The following SAMD12 variants were observed in gnomAD, a reference collection of about 807,000 sequenced individuals.
SAMD12 encodes the protein sterile alpha motif domain containing 12, also known as sterile alpha motif domain-containing protein 12.
In SAMD12, 9 loss-of-function variants were observed where a neutral mutation model predicts 15.0. That is an observed-to-expected ratio of 0.60 (90% CI 0.36 to 1.05). The LOEUF (loss-of-function observed/expected upper bound fraction) is 1.05, where lower values mean the gene tolerates loss of function less well. Among genes scored for constraint, SAMD12 ranks in the 50% least tolerant of loss-of-function variants. The pLI is 0.01. For missense variants in SAMD12, 230 were observed against 234.2 expected, an observed-to-expected ratio of 0.98 and a Z score of 0.12; for synonymous variants, 86 against 90.1, an observed-to-expected ratio of 0.96 and a Z score of 0.25.
At chr8:118,169,149 C>T in the SAMD12 span, among the ~76,000 whole-genome samples, 1 of 152,130 alleles carries the variant, frequency 6.6e-6, no homozygotes, top group South Asian at 2.1e-4. Flanking sequence ...ACCACAGCAT[C>T]ATGCAATATA....
chr8:118,173,207 T>C, the SAMD12 span, among the ~76,000 whole-genome samples: 3 of 152,356 alleles, frequency 2.0e-5, no homozygotes, highest in East Asian at 5.8e-4. Context: ...TTTCTTTTTA[T>C]TTCTTTGCCT....
intron 2 of SAMD12, among the ~76,000 whole-genome samples, chr8:118,491,600 C>T (rs915202333): frequency 2.0e-5 from 3 of 152,094 alleles, no homozygotes; most frequent in Admixed American, 2.0e-4. Flanking sequence ...CTTATTTCTT[C>T]TAATCAATCC....
chr8:118,213,194 C>T (rs561502968), intron 4 of SAMD12, among the ~76,000 whole-genome samples: 14 of 152,312 alleles, frequency 9.2e-5, no homozygotes, highest in African/African-American at 3.1e-4. Flanking sequence ...CTCCCTACCT[C>T]TCATTGAGAG....
At chr8:118,437,730 T>A (rs79886057) in intron 3 of SAMD12, among the ~76,000 whole-genome samples, 1 of 152,120 alleles carries the variant, frequency 6.6e-6, no homozygotes, top group Non-Finnish European at 1.5e-5. Context: ...ACAACTTTTT[T>A]AAATGCATAC....
chr8:118,558,563 GT>G (rs1826613014), intron 2 of SAMD12, among the ~76,000 whole-genome samples: 1 of 151,664 alleles, frequency 6.6e-6, no homozygotes, highest in Non-Finnish European at 1.5e-5. Context: ...TGTTTTTTTT[GT>G]TTGTTTGTTT....
chr8:118,314,825 T>C (rs887347717), intron 4 of SAMD12, among the ~76,000 whole-genome samples: 6 of 152,194 alleles, frequency 3.9e-5, no homozygotes, highest in Non-Finnish European at 7.3e-5. Flanking sequence ...CTGAAGGATA[T>C]TGGATTGTTT....
intron 4 of SAMD12, among the ~76,000 whole-genome samples, chr8:118,261,000 G>A (rs974754145): frequency 6.6e-6 from 1 of 151,954 alleles, no homozygotes; most frequent in Admixed American, 6.6e-5. Flanking sequence ...ACTCATTTTA[G>A]TATTCCAGTC....
intron 2 of SAMD12, among the ~76,000 whole-genome samples, chr8:118,550,018 T>A (rs1826273540): frequency 6.6e-6 from 1 of 152,060 alleles, no homozygotes. Context: ...CCAAGAAATA[T>A]GGGACTATGT....
intron 2 of SAMD12, among the ~76,000 whole-genome samples, chr8:118,457,836 CAT>C (rs1185285873): frequency 3.3e-5 from 5 of 152,210 alleles, no homozygotes; most frequent in Non-Finnish European, 5.9e-5. Flanking sequence ...TCAGCACACA[CAT>C]GTCTTGGCCA....
intron 2 of SAMD12, among the ~76,000 whole-genome samples, chr8:118,469,545 T>TATTATATATAATATA (rs376346512): frequency 2.7e-3 from 6 of 2,210 alleles, no homozygotes; most frequent in Admixed American, 0.013. Flanking sequence ...ATATATTATA[T>TATTATATATAATATA]TATTATATAT....
intron 4 of SAMD12, among the ~76,000 whole-genome samples, chr8:118,217,601 C>T (rs1417582178): frequency 6.6e-6 from 1 of 152,062 alleles, no homozygotes; most frequent in Non-Finnish European, 1.5e-5. Flanking sequence ...GGAGTGATTG[C>T]TATTGCATGG....
At chr8:118,333,554 G>T (rs1246175812) in intron 4 of SAMD12, among the ~76,000 whole-genome samples, 12 of 145,782 alleles carry the variant, frequency 8.2e-5, no homozygotes, top group African/African-American at 2.0e-4. Flanking sequence ...TGATTCTTTT[G>T]TTTTTTTTTT....
At chr8:118,223,551 G>A (rs530087435) in intron 4 of SAMD12, among the ~76,000 whole-genome samples, 14 of 152,324 alleles carry the variant, frequency 9.2e-5, no homozygotes, top group Non-Finnish European at 1.8e-4. Flanking sequence ...ACCCTGCCCT[G>A]ATGGGGAGGT....
intron 3 of SAMD12, among the ~76,000 whole-genome samples, chr8:118,401,695 C>T (rs1251146746): frequency 1.3e-5 from 2 of 151,860 alleles, no homozygotes; most frequent in African/African-American, 2.4e-5. Flanking sequence ...TGTAAAAGAT[C>T]AAAAAATTTA....
At chr8:118,279,024 G>GTAT (rs1813540256) in intron 4 of SAMD12, among the ~76,000 whole-genome samples, 6 of 152,140 alleles carry the variant, frequency 3.9e-5, no homozygotes, top group Admixed American at 3.9e-4. Context: ...TATTAAAAAT[G>GTAT]AAATGGGTGT....
intron 2 of SAMD12, among the ~76,000 whole-genome samples, chr8:118,556,965 A>G (rs1826551027): frequency 6.9e-6 from 1 of 145,302 alleles, no homozygotes; most frequent in African/African-American, 2.8e-5. Flanking sequence ...CTCCATCTCA[A>G]AAAAAAAAGA....
At chr8:118,325,428 C>T (rs911025127) in intron 4 of SAMD12, among the ~76,000 whole-genome samples, 6 of 151,956 alleles carry the variant, frequency 3.9e-5, no homozygotes, top group East Asian at 1.9e-4. Context: ...TTTGCTCCCC[C>T]GGGTTTATTG....
chr8:118,468,618 G>C (rs1795914667), intron 2 of SAMD12, among the ~76,000 whole-genome samples: 1 of 152,004 alleles, frequency 6.6e-6, no homozygotes, highest in Admixed American at 6.6e-5. Context: ...TCAAGCACCT[G>C]GCAGAATGCT....
chr8:118,155,332 T>C, the SAMD12 span, among the ~76,000 whole-genome samples: 5 of 152,210 alleles, frequency 3.3e-5, no homozygotes, highest in South Asian at 2.1e-4. Flanking sequence ...AGATACATCA[T>C]TGAAGAACGT....
Sources: gnomAD v4.1 joint callset for allele counts (sites outside exome capture counted in the v4.1 genomes callset) on GRCh38, gnomAD v4.1.1 for gene constraint, MANE v1.5 for transcripts, NCBI Gene and HGNC (gene_info 2026-07-23, HGNC 2026-07-21) for gene names.